The following THSD4 variants were observed in gnomAD, a reference collection of about 807,000 sequenced individuals.
THSD4 encodes the protein thrombospondin type-1 domain-containing protein 4.
A neutral mutation model predicts 119.0 loss-of-function variants in THSD4; 69 were observed. The ratio of observed to expected loss-of-function variants is 0.58; its 90% CI spans 0.48 to 0.71. THSD4 has a LOEUF of 0.71. Ranked by LOEUF, THSD4 falls within the 30% of genes least tolerant of loss-of-function variation. The pLI is 0.00. For missense variants in THSD4, 1,393 were observed against 1,391.1 expected (o/e 1.00, Z -0.02); for synonymous variants, 524 against 540.4 (o/e 0.97, Z 0.42).
chr15:71,157,781 G>A (rs565032458), intron 3 of THSD4, among the ~76,000 whole-genome samples: 15 of 146,854 alleles, frequency 1.0e-4, no homozygotes, highest in African/African-American at 3.3e-4. Context: ...ATAACCTCCA[G>A]GTCCATCCAT....
intron 10 of THSD4, among the ~76,000 whole-genome samples, chr15:71,737,525 C>T (rs983398807): frequency 2.0e-5 from 3 of 152,042 alleles, no homozygotes; most frequent in Non-Finnish European, 4.4e-5. Context: ...CTGCAGTGTT[C>T]GTCTTTGTCT....
rs531521081 is a variant in THSD4, at chr15:71,442,395, C to G, written c.1152+30572C>G. On this transcript the variant is annotated intron_variant, in intron 7 of 17. Coordinates refer to ENST00000261862, the MANE Select transcript of THSD4 (RefSeq NM_024817.3). ...ACCAGCCTGGCCAACATGGTGAAAC[C>G]CTGTCTCTACTAAAAATACAAAAAT... Among the ~76,000 whole-genome samples the G allele has an allele frequency of 5.3e-5, 8 of 150,628 alleles. No homozygotes were observed. The South Asian group carries it at 1.3e-3, about 24-fold the overall frequency.
At chr15:71,233,515 G>A (rs1167237028) in intron 4 of THSD4, among the ~76,000 whole-genome samples, 13 of 151,954 alleles carry the variant, frequency 8.6e-5, no homozygotes, top group Admixed American at 7.9e-4. Context: ...CATGTTTAGT[G>A]TCCTCAGCTT....
intron 6 of THSD4, among the ~76,000 whole-genome samples, chr15:71,287,675 C>G: frequency 6.6e-6 from 1 of 152,178 alleles, no homozygotes; most frequent in East Asian, 1.9e-4. Flanking sequence ...TCGTCTTGCA[C>G]AGTTTTGAAA....
intron 7 of THSD4, among the ~76,000 whole-genome samples, chr15:71,436,968 C>T (rs2047021759): frequency 1.3e-5 from 2 of 152,112 alleles, no homozygotes; most frequent in Non-Finnish European, 2.9e-5. Context: ...TTTGTTTTTG[C>T]ACTGCTATAA....
chr15:71,512,043 C>T (rs2048291259), intron 7 of THSD4, among the ~76,000 whole-genome samples: 1 of 152,196 alleles, frequency 6.6e-6, no homozygotes, highest in African/African-American at 2.4e-5. Flanking sequence ...ATATCCCCTA[C>T]AGAGACCTTT....
chr15:71,165,417 G>A (rs1299442545), intron 3 of THSD4: 13 of 1,489,226 alleles, frequency 8.7e-6, no homozygotes, highest in Non-Finnish European at 1.2e-5. Context: ...CTTTGCCCAT[G>A]TTTAGTTATT....
intron 7 of THSD4, among the ~76,000 whole-genome samples, chr15:71,573,768 T>G (rs1204603208): frequency 6.6e-6 from 1 of 152,226 alleles, no homozygotes. Context: ...CTATAATAAA[T>G]GTCAATATGA....
chr15:71,484,184 A>G (rs140127148), intron 7 of THSD4, among the ~76,000 whole-genome samples: 2 of 152,310 alleles, frequency 1.3e-5, no homozygotes, highest in Non-Finnish European at 2.9e-5. Flanking sequence ...TTTTTCTATG[A>G]AATTCCTGAT....
At chr15:71,605,728 A>T (rs747021667) in intron 7 of THSD4, among the ~76,000 whole-genome samples, 4 of 152,200 alleles carry the variant, frequency 2.6e-5, no homozygotes, top group Non-Finnish European at 4.4e-5. Flanking sequence ...GATGTCAGAG[A>T]GCCAGTGAGT....
At chr15:71,432,574 T>C (rs1482845454) in intron 7 of THSD4, among the ~76,000 whole-genome samples, 1 of 151,914 alleles carries the variant, frequency 6.6e-6, no homozygotes, top group Non-Finnish European at 1.5e-5. Flanking sequence ...AAATCTTTTT[T>C]TGTCAATATT....
At chr15:71,221,645 T>A (rs1484477785) in intron 4 of THSD4, among the ~76,000 whole-genome samples, 1 of 152,226 alleles carries the variant, frequency 6.6e-6, no homozygotes, top group Non-Finnish European at 1.5e-5. Flanking sequence ...TTCCATTGCA[T>A]GTATAGACCA....
chr15:71,722,466 G>C (rs554085615), intron 8 of THSD4, among the ~76,000 whole-genome samples: 1 of 152,184 alleles, frequency 6.6e-6, no homozygotes, highest in Admixed American at 6.5e-5. Flanking sequence ...TCTTTCAAAT[G>C]GTTCTTTAAT....
intron 6 of THSD4, among the ~76,000 whole-genome samples, chr15:71,382,911 A>G (rs2046246042): frequency 6.6e-6 from 1 of 152,214 alleles, no homozygotes; most frequent in Non-Finnish European, 1.5e-5. Flanking sequence ...TAACTTACTT[A>G]GACATTTAAT....
At chr15:71,741,684 T>TAC (rs56080459) in intron 11 of THSD4, among the ~76,000 whole-genome samples, 1,722 of 145,796 alleles carry the variant, frequency 0.012, 23 homozygotes, top group African/African-American at 0.038. Context: ...TGTGTGCATG[T>TAC]ACACACACAC....
chr15:71,207,203 G>A (rs1189760690), intron 3 of THSD4, among the ~76,000 whole-genome samples: 1 of 152,076 alleles, frequency 6.6e-6, no homozygotes, highest in Non-Finnish European at 1.5e-5. Context: ...ATCCACAATT[G>A]CTCTGATAAT....
At chr15:71,290,829 A>T (rs1198053593) in intron 6 of THSD4, among the ~76,000 whole-genome samples, 1 of 150,770 alleles carries the variant, frequency 6.6e-6, no homozygotes, top group East Asian at 1.9e-4. Flanking sequence ...TTTAACATGT[A>T]TAGTCACATT....
At chr15:71,506,371 T>A (rs1484714937) in intron 7 of THSD4, among the ~76,000 whole-genome samples, 1 of 152,218 alleles carries the variant, frequency 6.6e-6, no homozygotes, top group Non-Finnish European at 1.5e-5. Flanking sequence ...AGTATTGGAT[T>A]GTACTGACTC....
intron 6 of THSD4, among the ~76,000 whole-genome samples, chr15:71,389,587 C>G (rs902789946): frequency 6.6e-6 from 1 of 151,596 alleles, no homozygotes; most frequent in African/African-American, 2.4e-5. Context: ...GAATGATGTT[C>G]CTATGAATGT....
Sources: gnomAD v4.1 joint callset for allele counts (sites outside exome capture counted in the v4.1 genomes callset) on GRCh38, gnomAD v4.1.1 for gene constraint, MANE v1.5 for transcripts, NCBI Gene and HGNC (gene_info 2026-07-23, HGNC 2026-07-21) for gene names.